DLC1: variants seen among roughly 807,000 people sequenced by gnomAD.
DLC1 encodes the protein rho GTPase-activating protein 7.
A neutral mutation model predicts 140.3 loss-of-function variants in DLC1; 54 were observed. The ratio of observed to expected loss-of-function variants is 0.38; its 90% CI spans 0.31 to 0.48. DLC1 has a LOEUF of 0.48. DLC1 is among the 20% of genes least tolerant of loss of function. The pLI is 0.96. For synonymous variants in DLC1, 986 were observed against 728.1 expected, an observed-to-expected ratio of 1.35 and a Z score of -5.70; for missense variants, 2,536 against 1,907.0, an observed-to-expected ratio of 1.33 and a Z score of -6.14.
Position 13,099,531 on chromosome 8 carries a change from C to G in DLC1, c.2806G>C (p.Ala936Pro), listed in dbSNP as rs1046600031. ...KFSDEGDSDS[A>P]LDSVSPCPSS... ...GGGCAGGGAGAGACCGAGTCCAGGG[C>G]TGAGTCCGAATCTCCCTCATCAGAA... Residue 936 changes from alanine to proline, a missense_variant, in exon 9 of 18, where the codon GCC (alanine) becomes CCC (proline). Ala to Pro is a conservative substitution (Grantham distance 27). Transcript: ENST00000276297. 3.1e-6 allele frequency: 5 copies of G among 1,614,108 alleles called. No individual in the cohort carries two copies. The highest frequency in any genetic ancestry group is 4.2e-6 in the Non-Finnish European group (5 of 1,180,058).
intron 5 of DLC1, among the ~76,000 whole-genome samples, chr8:13,116,592 T>A (rs1167099018): frequency 6.6e-6 from 1 of 152,236 alleles, no homozygotes; most frequent in Non-Finnish European, 1.5e-5. Context: ...AGCATCTCTC[T>A]CAAGCAAGTG....
intron 2 of DLC1, among the ~76,000 whole-genome samples, chr8:13,490,211 G>A (rs972615752): frequency 9.2e-5 from 14 of 152,124 alleles, no homozygotes; most frequent in South Asian, 2.1e-4. Flanking sequence ...ATAAAAAGCT[G>A]CAAACCCTTT....
At chr8:13,476,554 C>G (rs13251474) in intron 2 of DLC1, among the ~76,000 whole-genome samples, 71,054 of 151,280 alleles carry the variant, frequency 0.47, 17,253 homozygotes, top group African/African-American at 0.51. Flanking sequence ...ACGTGGGGAG[C>G]TAACCAGGCA....
At chr8:13,453,213 A>G (rs940773815) in intron 2 of DLC1, among the ~76,000 whole-genome samples, 2 of 149,134 alleles carry the variant, frequency 1.3e-5, no homozygotes, top group African/African-American at 4.9e-5. Context: ...AAATTAAAGA[A>G]GAATGTAATG....
chr8:13,497,092 G>A (rs909115223), intron 2 of DLC1, among the ~76,000 whole-genome samples: 3 of 152,006 alleles, frequency 2.0e-5, no homozygotes, highest in South Asian at 4.2e-4. Context: ...GAGACACCGC[G>A]CCTGGCCTAA....
intron 5 of DLC1, among the ~76,000 whole-genome samples, chr8:13,249,149 T>C (rs537021668): frequency 6.6e-6 from 1 of 152,222 alleles, no homozygotes; most frequent in Admixed American, 6.5e-5. Flanking sequence ...CGATCTTCGC[T>C]CACTGCAACC....
chr8:13,407,306 G>T (rs1837611974), intron 2 of DLC1, among the ~76,000 whole-genome samples: 1 of 152,138 alleles, frequency 6.6e-6, no homozygotes, highest in Non-Finnish European at 1.5e-5. Context: ...GTCAGATTCT[G>T]TGAGGCTTAA....
At chr8:13,390,923 C>T (rs289558) in intron 4 of DLC1, among the ~76,000 whole-genome samples, 140,808 of 151,256 alleles carry the variant, frequency 0.93, 65,626 homozygotes, top group East Asian at 0.98. Context: ...AGGCAGAGCT[C>T]GCAGTGAGCT....
intron 5 of DLC1, among the ~76,000 whole-genome samples, chr8:13,129,781 G>T (rs902415794): frequency 1.3e-5 from 2 of 152,162 alleles, no homozygotes; most frequent in Admixed American, 6.5e-5. Flanking sequence ...CTGAGAATTC[G>T]GTCTTTAATG....
In DLC1 at chr8:13,102,825, C is replaced by G; in HGVS notation, c.1531G>C (p.Val511Leu). The G allele has an allele frequency of 6.2e-7, 1 of 1,614,034 alleles. No individual in the cohort carries two copies. Among genetic ancestry groups the G allele is most frequent in the Non-Finnish European group, 8.5e-7 (1 of 1,179,988 alleles). The part of the protein sequence containing the change: ...RRLNTLNKCA[V>L]MKLEISPHRK... ...TGAGGACTAATTTCTAGCTTCATCACCGCACATTTGTTTAAAGTATTTAGA... is the reference window on the plus strand; with the variant it reads ...TGAGGACTAATTTCTAGCTTCATCAGCGCACATTTGTTTAAAGTATTTAGA... The change falls in exon 8 of 18, where the codon GTG becomes CTG. Residue 511 changes from valine to leucine, a missense_variant. Coordinates refer to ENST00000276297, the MANE Select transcript of DLC1 (RefSeq NM_182643.3).
At chr8:13,094,427 AG>A (rs1277247228) in intron 12 of DLC1, among the ~76,000 whole-genome samples, 1 of 152,160 alleles carries the variant, frequency 6.6e-6, no homozygotes, top group Non-Finnish European at 1.5e-5. Flanking sequence ...GCACTCTGGG[AG>A]GCCGAGGTGG....
chr8:13,186,687 C>A (rs546387696), intron 5 of DLC1, among the ~76,000 whole-genome samples: 2 of 152,214 alleles, frequency 1.3e-5, no homozygotes, highest in East Asian at 1.9e-4. Context: ...CAGCTTTGTT[C>A]CGTTGCTGGC....
At position 13,457,371 on chromosome 8, in the gene DLC1, T is replaced by C. The variant is rs541051386; in HGVS notation, c.1023+41678A>G. Among the ~76,000 whole-genome samples, 6 of 152,086 alleles carry C rather than the reference T, an allele frequency of 3.9e-5. No homozygotes were observed. In the East Asian group the frequency reaches 9.7e-4, roughly 24 times the overall value. On this transcript the variant is annotated intron_variant, in intron 2 of 17. Transcript: ENST00000276297. The stretch of plus-strand genomic sequence containing the variant: ...GCCTGGAAAATTCTTAGAAACAAAA[T>C]CAAAAGAGATAAAGTTAGATGATGT...
intron 6 of DLC1, 75 bp from the exon 7 acceptor site, chr8:13,110,898 C>G: frequency 1.5e-6 from 2 of 1,368,622 alleles, no homozygotes; most frequent in Non-Finnish European, 2.1e-6. Flanking sequence ...TTTACCAAAG[C>G]AGGGATAAAA....
chr8:13,142,016 T>C (rs1823030787), intron 5 of DLC1, among the ~76,000 whole-genome samples: 1 of 152,216 alleles, frequency 6.6e-6, no homozygotes, highest in African/African-American at 2.4e-5. Context: ...TTCTCCATGC[T>C]GTTCTCGTGA....
intron 5 of DLC1, among the ~76,000 whole-genome samples, chr8:13,171,234 T>C (rs1825455925): frequency 6.6e-6 from 1 of 152,186 alleles, no homozygotes; most frequent in Admixed American, 6.5e-5. Context: ...AAGGACTAAG[T>C]GCAATTTTCA....
At chr8:13,283,713 C>G (rs6991084) in intron 5 of DLC1, among the ~76,000 whole-genome samples, 11,338 of 152,110 alleles carry the variant, frequency 0.075, 473 homozygotes, top group South Asian at 0.092. Flanking sequence ...TCAGATATCC[C>G]TATATTGCCC....
At chr8:13,408,538 C>T (rs531267723) in intron 2 of DLC1, among the ~76,000 whole-genome samples, 16 of 152,292 alleles carry the variant, frequency 1.1e-4, no homozygotes, top group East Asian at 3.9e-4. Context: ...TGATACAGCT[C>T]GTCCTGAGAA....
intron 4 of DLC1, among the ~76,000 whole-genome samples, chr8:13,323,267 T>C (rs1192986832): frequency 2.0e-5 from 3 of 152,250 alleles, no homozygotes; most frequent in African/African-American, 4.8e-5. Context: ...AATGAGGAAC[T>C]TATGACTATA....
Sources: allele counts gnomAD v4.1 joint callset (sites outside exome capture counted in the v4.1 genomes callset), GRCh38; gene constraint gnomAD v4.1.1; transcripts MANE v1.5; gene names NCBI Gene and HGNC (gene_info 2026-07-23, HGNC 2026-07-21).